The following TNIP1 variants were observed in gnomAD, a reference collection of about 807,000 sequenced individuals.
TNIP1 encodes the protein TNFAIP3 interacting protein 1.
In TNIP1, 22 loss-of-function variants were observed where a neutral mutation model predicts 86.6. That is an observed-to-expected ratio of 0.25 (90% confidence interval 0.18 to 0.36). The LOEUF (loss-of-function observed/expected upper bound fraction) is 0.36. Ranked by LOEUF, TNIP1 falls within the 10% of genes least tolerant of loss-of-function variation. TNIP1 has a pLI of 1.00. For missense variants in TNIP1, 709 were observed against 820.6 expected, an observed-to-expected ratio of 0.86 and a Z score of 1.66; for synonymous variants, 294 against 313.0, an observed-to-expected ratio of 0.94 and a Z score of 0.64.
intron 12 of TNIP1, 78 bp from the exon 13 acceptor site, chr5:151,036,999 A>G: frequency 6.7e-7 from 1 of 1,482,720 alleles, no homozygotes; most frequent in Non-Finnish European, 9.0e-7. Flanking sequence ...TCCTCAGGGA[A>G]CTCCTTCCTA....
intron 1 of TNIP1, among the ~76,000 whole-genome samples, chr5:151,069,530 C>T (rs1023987277): frequency 2.1e-4 from 32 of 152,316 alleles, no homozygotes; most frequent in African/African-American, 7.2e-4. Flanking sequence ...TGGTCACTGG[C>T]TGCATCCTGG....
At chr5:151,055,276 C>T (rs1363349898) in intron 6 of TNIP1, among the ~76,000 whole-genome samples, 2 of 152,058 alleles carry the variant, frequency 1.3e-5, no homozygotes, top group Non-Finnish European at 1.5e-5. Flanking sequence ...TTATTACAAA[C>T]TATGATAAGA....
chr5:151,050,671 T>TCAC (rs1759798028), intron 7 of TNIP1, among the ~76,000 whole-genome samples: 1 of 152,152 alleles, frequency 6.6e-6, no homozygotes, highest in Non-Finnish European at 1.5e-5. Context: ...TCTCGTTCTG[T>TCAC]CACCCAGGCT....
chr5:151,084,972 G>A (rs202074336), upstream of TNIP1, among the ~76,000 whole-genome samples: 2 of 152,088 alleles, frequency 1.3e-5, no homozygotes, highest in Non-Finnish European at 2.9e-5. Context: ...AAATGAGCAG[G>A]GTCCATGGTC....
At chr5:151,069,358 C>G (rs1762588446) in intron 1 of TNIP1, among the ~76,000 whole-genome samples, 1 of 152,238 alleles carries the variant, frequency 6.6e-6, no homozygotes, top group Admixed American at 6.5e-5. Context: ...TATTCACTTG[C>G]ATAGCCACTA....
intron 1 of TNIP1, chr5:151,080,287 C>T (rs896075899): frequency 1.3e-5 from 2 of 152,200 alleles, no homozygotes; most frequent in Non-Finnish European, 2.9e-5. Flanking sequence ...AACTCTGGAG[C>T]CAAATGCCTG....
intron 1 of TNIP1, among the ~76,000 whole-genome samples, chr5:151,076,498 G>A (rs1447576774): frequency 6.6e-6 from 1 of 152,172 alleles, no homozygotes; most frequent in East Asian, 1.9e-4. Flanking sequence ...ATGCCAGAGA[G>A]TGAAACATTT....
chr5:151,078,244 C>G (rs1561545934), intron 1 of TNIP1, among the ~76,000 whole-genome samples: 1 of 152,198 alleles, frequency 6.6e-6, no homozygotes, highest in East Asian at 1.9e-4. Flanking sequence ...GGAAATGATG[C>G]TTGGGAGAGC....
intron 6 of TNIP1, among the ~76,000 whole-genome samples, chr5:151,053,447 C>G (rs1283642796): frequency 6.6e-6 from 1 of 152,194 alleles, no homozygotes; most frequent in African/African-American, 2.4e-5. Context: ...CTCTATAGGG[C>G]TGCTGAGAGG....
At chr5:151,055,872 T>A (rs1437501974) in intron 6 of TNIP1, among the ~76,000 whole-genome samples, 2 of 152,122 alleles carry the variant, frequency 1.3e-5, no homozygotes, top group Non-Finnish European at 1.5e-5. Flanking sequence ...CTCAGAAGCC[T>A]CCGTTTTGCC....
intron 3 of TNIP1, among the ~76,000 whole-genome samples, chr5:151,062,671 C>T (rs1433404530): frequency 6.6e-6 from 1 of 152,182 alleles, no homozygotes; most frequent in African/African-American, 2.4e-5. Flanking sequence ...GCCCTCCCTC[C>T]CTGACTTCCT....
chr5:151,038,489 C>T (rs968091919), intron 12 of TNIP1, among the ~76,000 whole-genome samples: 1 of 152,210 alleles, frequency 6.6e-6, no homozygotes, highest in East Asian at 1.9e-4. Context: ...GACTAGACCA[C>T]TCCGCTTGGC....
chr5:151,085,825 G>T (rs982692485), upstream of TNIP1, among the ~76,000 whole-genome samples: 3 of 152,232 alleles, frequency 2.0e-5, no homozygotes, highest in Non-Finnish European at 2.9e-5. Context: ...CTCTCAGGAA[G>T]TTAGACCCAC....
At chr5:151,077,067 T>G (rs1763473859) in intron 1 of TNIP1, among the ~76,000 whole-genome samples, 1 of 152,232 alleles carries the variant, frequency 6.6e-6, no homozygotes. Context: ...ACAAGTTTAT[T>G]TGGCTCATGG....
intron 1 of TNIP1, among the ~76,000 whole-genome samples, chr5:151,086,419 G>C (rs1351979249): frequency 6.6e-6 from 1 of 152,154 alleles, no homozygotes; most frequent in African/African-American, 2.4e-5. Context: ...GAGCAGGCAG[G>C]AGAGAAGCAA....
Position 151,033,764 on chromosome 5 carries a change from T to TG in TNIP1, c.1622dup (p.Glu542ArgfsTer90). 1 of 1,362,758 alleles carries TG rather than the reference T, an allele frequency of 7.3e-7. No homozygotes were observed. The highest frequency in any genetic ancestry group is 9.5e-7 in the Non-Finnish European group (1 of 1,050,622). The allele number at this position is 1,362,758 out of a possible 1,614,324, so 84.4% of individuals were successfully genotyped here. ...AGGGGTAGGCCCCGCAGAGATGTTCTGGGTGGGGCTCCACATGGTAACGCT... is the reference window on the plus strand; with the variant it reads ...AGGGGTAGGCCCCGCAGAGATGTTCTGGGGTGGGGCTCCACATGGTAACGCT... On this transcript the variant is annotated frameshift_variant, in exon 16 of 18. Coordinates refer to ENST00000521591, the MANE Select transcript of TNIP1 (RefSeq NM_006058.5). LOFTEE classifies it high-confidence loss of function.
In TNIP1 at chr5:151,052,187, C is replaced by A. The variant is rs1305566580; in HGVS notation, c.700G>T (p.Asp234Tyr). ...TACCGCAGCCTCTCGGCAGCCTGAT[C>A]CCGCTGTTCCAGGCCCTTATCCAAC... Reference protein sequence around the residue: ...AKLDKGLEQRDQAAERLREEN... With the variant: ...AKLDKGLEQRYQAAERLREEN... The change falls in exon 7 of 18, where the codon GAT becomes TAT. Residue 234 changes from aspartate to tyrosine, a missense_variant. Asp to Tyr is a radical substitution (Grantham distance 160, BLOSUM62 -3). Transcript: ENST00000521591. The A allele has an allele frequency of 1.2e-6, 2 of 1,613,938 alleles. No individual in the cohort carries two copies. Among genetic ancestry groups the A allele is most frequent in the Non-Finnish European group, 8.5e-7 (1 of 1,179,988 alleles).
intron 6 of TNIP1, among the ~76,000 whole-genome samples, chr5:151,053,896 T>C (rs922672536): frequency 2.6e-5 from 4 of 152,226 alleles, no homozygotes; most frequent in Admixed American, 6.5e-5. Context: ...TCCCCTGTGA[T>C]GAAAGATCAG....
intron 16 of TNIP1, among the ~76,000 whole-genome samples, chr5:151,033,100 T>A (rs748027119): frequency 1.8e-4 from 18 of 98,528 alleles, no homozygotes; most frequent in Non-Finnish European, 3.0e-4. Flanking sequence ...CACTCCAGCA[T>A]GGGCAAAAAA....
Sources: gnomAD v4.1 joint callset for allele counts (sites outside exome capture counted in the v4.1 genomes callset) on GRCh38, gnomAD v4.1.1 for gene constraint, MANE v1.5 for transcripts, NCBI Gene and HGNC (gene_info 2026-07-23, HGNC 2026-07-21) for gene names.